Variants in LRP1B observed in about 807,000 individuals in gnomAD.
LRP1B encodes the protein LDL receptor related protein 1B, also known as low-density lipoprotein receptor-related protein 1B.
In LRP1B, 217 loss-of-function variants were observed where a neutral mutation model predicts 556.6. The ratio of observed to expected loss-of-function variants is 0.39; its 90% CI spans 0.35 to 0.44. The LOEUF (loss-of-function observed/expected upper bound fraction) is 0.44, where lower values mean the gene tolerates loss of function less well. LRP1B is among the 20% of genes least tolerant of loss of function. LRP1B has a pLI of 1.00. For synonymous variants in LRP1B, 2,047 were observed against 1,865.8 expected (o/e 1.10, Z -2.50); for missense variants, 5,053 against 5,620.8 (o/e 0.90, Z 3.23).
chr2:140,688,304 ACC>A (rs1367359787), intron 41 of LRP1B, among the ~76,000 whole-genome samples: 1 of 151,946 alleles, frequency 6.6e-6, no homozygotes, highest in South Asian at 2.1e-4. Context: ...AAATCTATTG[ACC>A]CCTTTATAGT....
intron 15 of LRP1B, among the ~76,000 whole-genome samples, chr2:141,003,305 T>G (rs1697478015): frequency 6.6e-6 from 1 of 152,042 alleles, no homozygotes; most frequent in Non-Finnish European, 1.5e-5. Flanking sequence ...TGACAGAATT[T>G]GGGGTCTAAA....
chr2:141,984,766 C>G (rs1450366563), intron 1 of LRP1B, among the ~76,000 whole-genome samples: 1 of 152,056 alleles, frequency 6.6e-6, no homozygotes, highest in African/African-American at 2.4e-5. Context: ...ATACACTTTA[C>G]CCAAGAAATT....
intron 7 of LRP1B, among the ~76,000 whole-genome samples, chr2:141,186,238 C>T (rs768884915): frequency 6.6e-6 from 1 of 151,800 alleles, no homozygotes; most frequent in African/African-American, 2.4e-5. Context: ...ATTTTCTGAA[C>T]AGAAGTTATA....
chr2:141,377,358 GT>G (rs1190991614), intron 3 of LRP1B, among the ~76,000 whole-genome samples: 1 of 152,004 alleles, frequency 6.6e-6, no homozygotes, highest in East Asian at 1.9e-4. Context: ...AATGAATTGT[GT>G]TTTTTCTTTT....
intron 2 of LRP1B, among the ~76,000 whole-genome samples, chr2:141,482,472 A>G (rs981130084): frequency 6.6e-6 from 1 of 151,960 alleles, no homozygotes; most frequent in South Asian, 2.1e-4. Flanking sequence ...GAGTATCAAT[A>G]TTTCTAAAAA....
rs577532316 is a variant in LRP1B, at chr2:141,639,304, GTATATATATATATATATATATATA to G, written c.206-158795_206-158772del. 2.0e-3 allele frequency among the ~76,000 whole-genome samples: 119 copies of G among 58,470 alleles called. 3 individuals are homozygous for G. The highest frequency in any genetic ancestry group is 7.4e-3 in the African/African-American group (102 of 13,712). 38.4% of individuals were successfully genotyped at this position (58,470 alleles called of 152,430 possible). A position where few individuals can be genotyped will look rare whatever the true frequency, so the allele number is the denominator to read the frequency against. On this transcript the variant is annotated intron_variant, in intron 2 of 90. Transcript: ENST00000389484. ...GGACCCAGGAGTACGCATCATGTGT[GTATATATATATATATATATATATA>G]TATATATATATATATATATATACAC...
intron 47 of LRP1B, among the ~76,000 whole-genome samples, chr2:140,532,929 GAT>G (rs539867412): frequency 1.8e-3 from 92 of 50,088 alleles, no homozygotes; most frequent in Middle Eastern, 7.2e-3. Context: ...CACAGCACAA[GAT>G]ATATATATAT....
intron 1 of LRP1B, among the ~76,000 whole-genome samples, chr2:142,057,720 G>A (rs750749513): frequency 2.2e-4 from 34 of 152,088 alleles, no homozygotes; most frequent in Non-Finnish European, 8.8e-5. Flanking sequence ...ATTAAGAAAT[G>A]GATTATGAAG....
chr2:141,177,801 A>G (rs1349175411), intron 7 of LRP1B, among the ~76,000 whole-genome samples: 1 of 152,128 alleles, frequency 6.6e-6, no homozygotes, highest in East Asian at 1.9e-4. Flanking sequence ...GAACAGTAAG[A>G]GAAAATATTG....
At chr2:140,986,298 T>G (rs1248611683) in intron 17 of LRP1B, among the ~76,000 whole-genome samples, 4 of 152,124 alleles carry the variant, frequency 2.6e-5, no homozygotes, top group African/African-American at 9.7e-5. Flanking sequence ...TTTTCACTAT[T>G]ATAGCACAAG....
rs550183140 is a variant in LRP1B at position 141,614,080 on chromosome 2, CAAAAAAAAAAAAAAA to C, written c.206-133562_206-133548del. Among the ~76,000 whole-genome samples, 32 of 47,348 alleles carry C rather than the reference CAAAAAAAAAAAAAAA, an allele frequency of 6.8e-4. 1 individual carries two copies. Among genetic ancestry groups the C allele is most frequent in the Non-Finnish European group, 8.7e-4 (24 of 27,642 alleles). The allele number at this position is 47,348 out of a possible 152,430, so 31.1% of individuals were successfully genotyped here. A position where few individuals can be genotyped will look rare whatever the true frequency, so the allele number is the denominator to read the frequency against. On this transcript the variant is annotated intron_variant, in intron 2 of 90. Coordinates refer to ENST00000389484, the MANE Select transcript of LRP1B (RefSeq NM_018557.3). ...GGGCGATAAGAGCAAAACTCAGCCT[CAAAAAAAAAAAAAAA>C]AAAAAAGAAAGAAAATGTTTACTTT...
chr2:142,115,565 A>T (rs1403938583), intron 1 of LRP1B, among the ~76,000 whole-genome samples: 1 of 46,474 alleles, frequency 2.2e-5, no homozygotes, highest in Non-Finnish European at 3.9e-5. Flanking sequence ...TATATATGTA[A>T]TATATATTAT....
chr2:141,089,645 A>G (rs1700129343), intron 7 of LRP1B, among the ~76,000 whole-genome samples: 1 of 152,188 alleles, frequency 6.6e-6, no homozygotes, highest in South Asian at 2.1e-4. Context: ...CACTGGGGAA[A>G]CTTTAGGAAT....
At chr2:141,054,540 CAA>C (rs1699125495) in intron 10 of LRP1B, among the ~76,000 whole-genome samples, 1 of 151,866 alleles carries the variant, frequency 6.6e-6, no homozygotes, top group African/African-American at 2.4e-5. Context: ...TAAAATAAAA[CAA>C]AGATATATCT....
At chr2:140,678,488 A>G (rs1685748236) in intron 41 of LRP1B, among the ~76,000 whole-genome samples, 1 of 152,218 alleles carries the variant, frequency 6.6e-6, no homozygotes, top group Admixed American at 6.5e-5. Context: ...CTCAGAACAT[A>G]TTAGCATTAA....
chr2:140,731,396 AAG>A (rs1488584663), intron 35 of LRP1B, among the ~76,000 whole-genome samples: 1 of 152,220 alleles, frequency 6.6e-6, no homozygotes, highest in Non-Finnish European at 1.5e-5. Flanking sequence ...TGAATAGTAT[AAG>A]AGTTATTAGC....
At chr2:140,837,479 C>T (rs1233206426) in intron 31 of LRP1B, among the ~76,000 whole-genome samples, 1 of 152,070 alleles carries the variant, frequency 6.6e-6, no homozygotes, top group African/African-American at 2.4e-5. Flanking sequence ...AATAGTATGT[C>T]TTGTACAAAT....
rs2105053797 is a variant in LRP1B at position 140,322,098 on chromosome 2, C to G, written c.12515-10G>C. 1 of 1,607,320 alleles carries G rather than the reference C, an allele frequency of 6.2e-7. No individual in the cohort carries two copies. The highest frequency in any genetic ancestry group is 8.5e-7 in the Non-Finnish European group (1 of 1,177,404). ...AAGCATGGATTGGGTACTGGTGAAA[C>G]AAAAGAAAACAAAGAAGTGTGTAAA... On this transcript the variant is annotated splice_polypyrimidine_tract_variant and intron_variant, in intron 81 of 90. Coordinates refer to ENST00000389484, the MANE Select transcript of LRP1B (RefSeq NM_018557.3).
intron 1 of LRP1B, among the ~76,000 whole-genome samples, chr2:141,928,081 C>A (rs1700385694): frequency 6.6e-6 from 1 of 152,076 alleles, no homozygotes; most frequent in Admixed American, 6.6e-5. Context: ...CATTCATTCT[C>A]CCCAAAGTGT....
Sources: allele counts gnomAD v4.1 joint callset (sites outside exome capture counted in the v4.1 genomes callset), GRCh38; gene constraint gnomAD v4.1.1; transcripts MANE v1.5; gene names NCBI Gene and HGNC (gene_info 2026-07-23, HGNC 2026-07-21).